The following MGAT4C variants were observed in gnomAD, a reference collection of about 807,000 sequenced individuals.
MGAT4C encodes the protein alpha-1,3-mannosyl-glycoprotein 4-beta-N-acetylglucosaminyltransferase C.
A neutral mutation model predicts 40.1 loss-of-function variants in MGAT4C; 19 were observed. The observed-to-expected ratio is 0.47, with a 90% CI of 0.33 to 0.70. MGAT4C has a LOEUF of 0.70. MGAT4C is among the 30% of genes least tolerant of loss of function. The pLI is 0.02. For synonymous variants in MGAT4C, 181 were observed against 187.1 expected, an observed-to-expected ratio of 0.97 and a Z score of 0.27; for missense variants, 491 against 563.2, an observed-to-expected ratio of 0.87 and a Z score of 1.30.
chr12:86,366,557 T>C (rs1408096208), intron 3 of MGAT4C, among the ~76,000 whole-genome samples: 1 of 152,076 alleles, frequency 6.6e-6, no homozygotes, highest in Non-Finnish European at 1.5e-5. Context: ...CAACAGACAC[T>C]GGGGACTACT....
chr12:85,977,012 C>T lies in MGAT4C; in HGVS notation c.*2277G>A, dbSNP rs1406651935. On this transcript the variant is annotated 3_prime_UTR_variant, in exon 5 of 5. Transcript: ENST00000611864. The stretch of plus-strand genomic sequence containing the variant: ...CATAGAGGATCCTTGGATGATTGAC[C>T]AACTTATCCAAACACAGGTTTAGTA... 1 of 151,124 alleles carries T rather than the reference C, an allele frequency of 6.6e-6. No individual in the cohort carries two copies. The highest frequency in any genetic ancestry group is 1.9e-4 in the East Asian group (1 of 5,184). The allele number at this position is 151,124 out of a possible 1,614,324, so 9.4% of individuals were successfully genotyped here. A position where few individuals can be genotyped will look rare whatever the true frequency, so the allele number is the denominator to read the frequency against.
At chr12:86,589,389 G>T (rs1447953746) in intron 2 of MGAT4C, among the ~76,000 whole-genome samples, 12 of 151,906 alleles carry the variant, frequency 7.9e-5, no homozygotes, top group Non-Finnish European at 1.8e-4. Context: ...AATAACAGGA[G>T]CTGAAATTGT....
chr12:86,057,446 C>T (rs1261712707), intron 1 of MGAT4C, among the ~76,000 whole-genome samples: 1 of 152,172 alleles, frequency 6.6e-6, no homozygotes, highest in African/African-American at 2.4e-5. Flanking sequence ...ATTTTACTCC[C>T]ACCAATAATT....
intron 2 of MGAT4C, among the ~76,000 whole-genome samples, chr12:86,550,094 T>C (rs1267855199): frequency 4.6e-5 from 7 of 152,172 alleles, no homozygotes; most frequent in Non-Finnish European, 1.0e-4. Context: ...TGGTTTTATA[T>C]GGGGCTTTTC....
At chr12:86,369,977 A>G (rs2136210500) in intron 3 of MGAT4C, among the ~76,000 whole-genome samples, 1 of 152,044 alleles carries the variant, frequency 6.6e-6, no homozygotes, top group Admixed American at 6.6e-5. Context: ...TTTTAGTCCT[A>G]ACTTACATAT....
intron 3 of MGAT4C, among the ~76,000 whole-genome samples, chr12:86,410,825 C>A (rs955748793): frequency 6.6e-6 from 1 of 152,138 alleles, no homozygotes; most frequent in Non-Finnish European, 1.5e-5. Context: ...TGATAAATGT[C>A]CATGAAATAT....
At chr12:86,553,675 A>G (rs1959471139) in intron 2 of MGAT4C, among the ~76,000 whole-genome samples, 3 of 152,100 alleles carry the variant, frequency 2.0e-5, no homozygotes, top group Non-Finnish European at 4.4e-5. Flanking sequence ...ACACATGACT[A>G]CACGTTTTTT....
At chr12:86,578,865 T>C (rs1312572502) in intron 2 of MGAT4C, among the ~76,000 whole-genome samples, 2 of 151,584 alleles carry the variant, frequency 1.3e-5, no homozygotes, top group African/African-American at 4.8e-5. Flanking sequence ...GATCTTTATT[T>C]TTTTCTTCTA....
intron 3 of MGAT4C, among the ~76,000 whole-genome samples, chr12:86,363,351 T>C (rs1185529276): frequency 1.3e-5 from 2 of 152,108 alleles, no homozygotes; most frequent in African/African-American, 4.8e-5. Flanking sequence ...TTAAACAACA[T>C]ACTTGAAAAT....
intron 3 of MGAT4C, among the ~76,000 whole-genome samples, chr12:86,381,799 T>C (rs537912398): frequency 1.2e-4 from 18 of 152,290 alleles, no homozygotes; most frequent in Admixed American, 3.3e-4. Flanking sequence ...GGGAGGTAAT[T>C]GAGTCACGGG....
chr12:86,772,838 G>A (rs1209466890), intron 1 of MGAT4C, among the ~76,000 whole-genome samples: 1 of 152,106 alleles, frequency 6.6e-6, no homozygotes, highest in Non-Finnish European at 1.5e-5. Flanking sequence ...CAACTTGTCT[G>A]GTTTCACAAG....
At chr12:86,819,466 T>C (rs1043106677) in intron 1 of MGAT4C, among the ~76,000 whole-genome samples, 2 of 150,954 alleles carry the variant, frequency 1.3e-5, no homozygotes, top group African/African-American at 4.8e-5. Context: ...AAACTTGTAA[T>C]AATAGATTTT....
chr12:86,309,470 A>T (rs1271042742), intron 4 of MGAT4C, among the ~76,000 whole-genome samples: 1 of 152,188 alleles, frequency 6.6e-6, no homozygotes, highest in Non-Finnish European at 1.5e-5. Flanking sequence ...TAGTGGAGGG[A>T]AAGAAGGTGA....
At chr12:86,446,243 A>G (rs1180793930) in intron 2 of MGAT4C, among the ~76,000 whole-genome samples, 1 of 152,062 alleles carries the variant, frequency 6.6e-6, no homozygotes, top group Non-Finnish European at 1.5e-5. Flanking sequence ...TTTCCTGATA[A>G]TGAAAACAAA....
At chr12:86,555,915 C>T (rs1959588796) in intron 2 of MGAT4C, among the ~76,000 whole-genome samples, 1 of 152,108 alleles carries the variant, frequency 6.6e-6, no homozygotes, top group South Asian at 2.1e-4. Context: ...CCCCCATGAC[C>T]TGGTGTTGGG....
intron 1 of MGAT4C, among the ~76,000 whole-genome samples, chr12:86,221,797 G>A (rs1185265004): frequency 6.6e-6 from 1 of 152,186 alleles, no homozygotes; most frequent in Non-Finnish European, 1.5e-5. Context: ...ACATTGCCAT[G>A]TGAAGCTGTC....
chr12:86,698,024 A>G (rs1950288332), intron 2 of MGAT4C, among the ~76,000 whole-genome samples: 1 of 152,132 alleles, frequency 6.6e-6, no homozygotes, highest in Admixed American at 6.6e-5. Context: ...TGTGTGAATT[A>G]TAGTTCCCAG....
At chr12:86,428,693 C>T (rs550162528) in intron 3 of MGAT4C, among the ~76,000 whole-genome samples, 1 of 152,108 alleles carries the variant, frequency 6.6e-6, no homozygotes, top group African/African-American at 2.4e-5. Context: ...TGATTCAGTC[C>T]TGTTAGGTTG....
At chr12:86,458,478 C>T (rs1957545018) in intron 2 of MGAT4C, among the ~76,000 whole-genome samples, 1 of 152,152 alleles carries the variant, frequency 6.6e-6, no homozygotes, top group African/African-American at 2.4e-5. Flanking sequence ...TATTTATTCA[C>T]AGGGACAGTC....
Sources: allele counts gnomAD v4.1 joint callset (sites outside exome capture counted in the v4.1 genomes callset), GRCh38; gene constraint gnomAD v4.1.1; transcripts MANE v1.5; gene names NCBI Gene and HGNC (gene_info 2026-07-23, HGNC 2026-07-21).